FAM83F: variants seen among roughly 807,000 people sequenced by gnomAD.
FAM83F encodes the protein scaffolding CK1 anchoring protein F.
Under a neutral mutation model 42.9 loss-of-function variants are expected in FAM83F, and 45 were observed. The ratio of observed to expected loss-of-function variants is 1.05; its 90% CI spans 0.83 to 1.35. The LOEUF (loss-of-function observed/expected upper bound fraction) is 1.35, where lower values mean the gene tolerates loss of function less well. FAM83F is among the 40% of genes most tolerant of loss of function. FAM83F has a pLI of 0.00. For synonymous variants in FAM83F, 306 were observed against 298.3 expected, an observed-to-expected ratio of 1.03 and a Z score of -0.27; for missense variants, 617 against 695.9, an observed-to-expected ratio of 0.89 and a Z score of 1.28.
At chr22:40,006,260 T>C (rs1175096687) in intron 1 of FAM83F, among the ~76,000 whole-genome samples, 1 of 150,738 alleles carries the variant, frequency 6.6e-6, no homozygotes, top group African/African-American at 2.4e-5. Flanking sequence ...AAAAAGATGC[T>C]ATTGCAGCTC....
Position 40,021,492 on chromosome 22 carries a change from G to T in FAM83F, c.982G>T (p.Ala328Ser). Residue 328 changes from alanine to serine, a missense_variant, in exon 4 of 5, where the codon GCC becomes TCC. Transcript: ENST00000333407. The surrounding 1 kb of genome is among the most constrained non-coding windows in gnomAD (Gnocchi z 8.7). ...VARKLINPKYALVSGCRHPPG... is the reference protein window; with the variant it reads ...VARKLINPKYSLVSGCRHPPG... ...TCGAAAGCTTATCAACCCCAAGTACGCCTTGGTGTCAGGCTGCCGCCACCC... is the reference window on the plus strand; with the variant it reads ...TCGAAAGCTTATCAACCCCAAGTACTCCTTGGTGTCAGGCTGCCGCCACCC... The T allele has an allele frequency of 6.3e-7, 1 of 1,590,326 alleles. No individual in the cohort carries two copies. Among genetic ancestry groups the T allele is most frequent in the South Asian group, 1.1e-5 (1 of 89,418 alleles).
chr22:40,030,794 A>G lies in FAM83F; in HGVS notation c.*1229A>G, dbSNP rs1431585157. On this transcript the variant is annotated 3_prime_UTR_variant, in exon 5 of 5. Coordinates refer to ENST00000333407, the MANE Select transcript of FAM83F (RefSeq NM_138435.4). Reference sequence around the variant, plus strand: ...ATGGGGGATCCAAGCCCTGTGGAAGAGCCATGCAGCGGACTTTCTTGCCCT... The same window carrying G: ...ATGGGGGATCCAAGCCCTGTGGAAGGGCCATGCAGCGGACTTTCTTGCCCT... The G allele has an allele frequency of 6.6e-6, 1 of 152,308 alleles. No individual in the cohort carries two copies. The highest frequency in any genetic ancestry group is 2.4e-5 in the African/African-American group (1 of 41,458). The allele number at this position is 152,308 out of a possible 1,614,324, so 9.4% of individuals were successfully genotyped here.
intron 1 of FAM83F, among the ~76,000 whole-genome samples, chr22:40,017,931 G>A (rs1238331299): frequency 1.3e-5 from 2 of 152,234 alleles, no homozygotes; most frequent in Admixed American, 6.5e-5. Flanking sequence ...AAATCTCTCC[G>A]ACCCCAGAGC....
Position 40,042,262 on chromosome 22 carries a change from GTCTCTGGGAGGGAAGGCACAAT to G in FAM83F, c.*12698_*12719del, listed in dbSNP as rs1327042700. 20 of 152,134 alleles carry G rather than the reference GTCTCTGGGAGGGAAGGCACAAT, an allele frequency of 1.3e-4. No individual in the cohort carries two copies. The highest frequency in any genetic ancestry group is 4.3e-4 in the African/African-American group (18 of 41,400). 9.4% of individuals were successfully genotyped at this position (152,134 alleles called of 1,614,324 possible). On this transcript the variant is annotated 3_prime_UTR_variant, in exon 5 of 5. Coordinates refer to ENST00000333407, the MANE Select transcript of FAM83F (RefSeq NM_138435.4). ...GGAGAAGGTTTCAGGCATTTGTTTT[GTCTCTGGGAGGGAAGGCACAAT>G]GAGGTGGAGTGGACAAATTGCTGAG...
chr22:40,014,999 A>G (rs2067486085), intron 1 of FAM83F, among the ~76,000 whole-genome samples: 1 of 152,226 alleles, frequency 6.6e-6, no homozygotes. Flanking sequence ...CACTGAAAGT[A>G]TTTAGTACAT....
intron 1 of FAM83F, among the ~76,000 whole-genome samples, chr22:39,996,481 G>T (rs973427762): frequency 6.6e-6 from 1 of 152,158 alleles, no homozygotes; most frequent in African/African-American, 2.4e-5. Context: ...GAATGGGAAC[G>T]TTTTGTACTT....
chr22:39,998,308 C>G (rs1311919556), intron 1 of FAM83F, among the ~76,000 whole-genome samples: 1 of 152,242 alleles, frequency 6.6e-6, no homozygotes, highest in East Asian at 1.9e-4. Context: ...CAACTGTGTG[C>G]CAGAGTTTTG....
rs1046308112 is a variant in FAM83F at position 39,995,003 on chromosome 22, GCGGGGC to G, written c.-32_-27del. ...TGCGGCTGTGGGACCTCGGACCGCG[GCGGGGC>G]CGGGGCCAGGGCCGGGGCCGGGGCC... On this transcript the variant is annotated 5_prime_UTR_variant, in exon 1 of 5. Coordinates refer to ENST00000333407, the MANE Select transcript of FAM83F (RefSeq NM_138435.4). This position sits in a 1 kb window ranked among gnomAD's most constrained non-coding sequence, Gnocchi z 4.6. The G allele has an allele frequency of 5.1e-5, 62 of 1,209,176 alleles. No individual in the cohort carries two copies. Among genetic ancestry groups the G allele is most frequent in the Non-Finnish European group, 6.1e-5 (60 of 988,988 alleles). 74.9% of individuals were successfully genotyped at this position (1,209,176 alleles called of 1,614,324 possible).
At chr22:40,019,469 T>G in intron 2 of FAM83F, 134 bp downstream of exon 2, 1 of 787,526 alleles carries the variant, frequency 1.3e-6, no homozygotes, top group Admixed American at 2.7e-5. Flanking sequence ...CACCTTTCCT[T>G]TTGTTGAAAG....
At chr22:40,028,470 C>T (rs955205139) in intron 4 of FAM83F, among the ~76,000 whole-genome samples, 2 of 152,184 alleles carry the variant, frequency 1.3e-5, no homozygotes, top group African/African-American at 4.8e-5. Context: ...GGAAATAACA[C>T]GAGCGCCTTC....
Position 39,995,026 on chromosome 22 carries a change from G to A in FAM83F, c.-17G>A. On this transcript the variant is annotated 5_prime_UTR_variant, in exon 1 of 5. Transcript: ENST00000333407. This position sits in a 1 kb window ranked among gnomAD's most constrained non-coding sequence, Gnocchi z 4.6. ...CGGCGGGGCCGGGGCCAGGGCCGGG[G>A]CCGGGGCCGGGGCGCCATGGCCGAG... 1.6e-6 allele frequency: 2 copies of A among 1,264,146 alleles called. No homozygotes were observed. The highest frequency in any genetic ancestry group is 2.0e-6 in the Non-Finnish European group (2 of 1,007,270). The allele number at this position is 1,264,146 out of a possible 1,614,324, so 78.3% of individuals were successfully genotyped here.
At chr22:40,018,651 G>A (rs980585067) in intron 1 of FAM83F, among the ~76,000 whole-genome samples, 11 of 150,534 alleles carry the variant, frequency 7.3e-5, no homozygotes, top group Non-Finnish European at 1.3e-4. Context: ...GGAGTGCAAC[G>A]GCGCAATCTT....
chr22:40,000,395 G>A (rs568638263), intron 1 of FAM83F, among the ~76,000 whole-genome samples: 17 of 152,220 alleles, frequency 1.1e-4, no homozygotes, highest in African/African-American at 2.6e-4. Context: ...AGATGCCCCC[G>A]GGCATGGCAA....
In FAM83F at chr22:40,042,905, TTG is replaced by T. The variant is rs1393789743; in HGVS notation, c.*13344_*13345del. On this transcript the variant is annotated 3_prime_UTR_variant, in exon 5 of 5. Transcript: ENST00000333407. ...TTAGATTCTGAATGTTTCTCATTCA[TTG>T]TGTTTTTGAGTTCAGAATCCCCATA... 6.6e-6 allele frequency: 1 copy of T among 152,178 alleles called. No homozygotes were observed. Among genetic ancestry groups the T allele is most frequent in the African/African-American group, 2.4e-5 (1 of 41,444 alleles). The allele number at this position is 152,178 out of a possible 1,614,324, so 9.4% of individuals were successfully genotyped here. A position where few individuals can be genotyped will look rare whatever the true frequency, so the allele number is the denominator to read the frequency against.
rs1398987637 is a variant in FAM83F, at chr22:40,034,706, C to T, written c.*5141C>T. On this transcript the variant is annotated 3_prime_UTR_variant, in exon 5 of 5. Coordinates refer to ENST00000333407, the MANE Select transcript of FAM83F (RefSeq NM_138435.4). Reference sequence around the variant, plus strand: ...TTGAAGACTTGACTGCCATTCAGTACAGAGAATTAGCCAGGTGAATAAACA... The same window carrying T: ...TTGAAGACTTGACTGCCATTCAGTATAGAGAATTAGCCAGGTGAATAAACA... 1 of 152,250 alleles carries T rather than the reference C, an allele frequency of 6.6e-6. No individual in the cohort carries two copies. Among genetic ancestry groups the T allele is most frequent in the East Asian group, 1.9e-4 (1 of 5,204 alleles). 9.4% of individuals were successfully genotyped at this position (152,250 alleles called of 1,614,324 possible). A position where few individuals can be genotyped will look rare whatever the true frequency, so the allele number is the denominator to read the frequency against.
In FAM83F at chr22:40,004,156, A is replaced by G. The variant is rs527236843; in HGVS notation, c.489+8625A>G. Among the ~76,000 whole-genome samples, 5 of 152,190 alleles carry G rather than the reference A, an allele frequency of 3.3e-5. No individual in the cohort carries two copies. In the South Asian group the frequency reaches 1.0e-3, roughly 32 times the overall value. ...ACGGTGAGAATTCTGCCTTAAGTCTAATGGGGGGTGACAAAAAGAAACTAA... is the reference window on the plus strand; with the variant it reads ...ACGGTGAGAATTCTGCCTTAAGTCTGATGGGGGGTGACAAAAAGAAACTAA... On this transcript the variant is annotated intron_variant, in intron 1 of 4. Coordinates refer to ENST00000333407, the MANE Select transcript of FAM83F (RefSeq NM_138435.4).
chr22:39,997,985 G>A (rs1405279136), intron 1 of FAM83F: 1 of 152,418 alleles, frequency 6.6e-6, no homozygotes, highest in Non-Finnish European at 1.5e-5. Context: ...CACAGAGAAG[G>A]AAAGAGACTT....
intron 1 of FAM83F, among the ~76,000 whole-genome samples, chr22:40,017,085 T>G (rs2067496210): frequency 6.6e-6 from 1 of 152,204 alleles, no homozygotes; most frequent in Admixed American, 6.5e-5. Flanking sequence ...TATGAAGAAC[T>G]TTAAATGGTA....
chr22:40,020,865 G>A (rs1043352694), intron 3 of FAM83F, among the ~76,000 whole-genome samples: 2 of 152,156 alleles, frequency 1.3e-5, no homozygotes, highest in African/African-American at 4.8e-5. Flanking sequence ...AACCAATACA[G>A]AGTAGAATAA....
Sources: allele counts gnomAD v4.1 joint callset (sites outside exome capture counted in the v4.1 genomes callset), GRCh38; gene constraint gnomAD v4.1.1; non-coding constraint Gnocchi (gnomAD v3.1); transcripts MANE v1.5; gene names NCBI Gene and HGNC (gene_info 2026-07-23, HGNC 2026-07-21).